The following GBP7 variants were observed in gnomAD, a reference collection of about 807,000 sequenced individuals.
The protein encoded by GBP7 is guanylate binding protein 7.
Under a neutral mutation model 61.3 loss-of-function variants are expected in GBP7, and 43 were observed. That is an observed-to-expected ratio of 0.70 (90% CI 0.55 to 0.91). The LOEUF is 0.91. Among genes scored for constraint, GBP7 ranks in the 40% least tolerant of loss-of-function variants. The probability of loss-of-function intolerance (pLI) is 0.00; values close to 1 mark genes in which losing one functional copy is unlikely to be tolerated. For synonymous variants in GBP7, 267 were observed against 271.0 expected (o/e 0.99, Z 0.14); for missense variants, 717 against 740.5 (o/e 0.97, Z 0.37).
In GBP7 at chr1:89,164,836, C is replaced by T. The variant is rs1647377552; in HGVS notation, c.213G>A (p.Val71=). ...TCCAGATGCCTTTGGTTTCAGACTT[C>T]ACTGTGCAGCCCAGAGGGAAGCCTT... is the stretch of plus-strand genomic sequence containing the variant. ...KNKGFPLGCT[V]KSETKGIWMW... The change falls in exon 3 of 11, where the codon GTG becomes GTA. Residue 71 remains valine, a synonymous_variant. Coordinates refer to ENST00000294671, the MANE Select transcript of GBP7 (RefSeq NM_207398.3). The T allele has an allele frequency of 2.5e-6, 4 of 1,613,730 alleles. No individual in the cohort carries two copies. The highest frequency in any genetic ancestry group is 1.7e-5 in the Admixed American group (1 of 59,988).
intron 8 of GBP7, among the ~76,000 whole-genome samples, chr1:89,143,444 A>G (rs996316257): frequency 6.6e-6 from 1 of 152,246 alleles, no homozygotes; most frequent in Non-Finnish European, 1.5e-5. Flanking sequence ...TGAATTTAAA[A>G]TAGTTTTTTG....
chr1:89,141,975 TC>T lies in GBP7; in HGVS notation c.1366-328del, dbSNP rs374917842. On this transcript the variant is annotated intron_variant, in intron 8 of 10. Coordinates refer to ENST00000294671, the MANE Select transcript of GBP7 (RefSeq NM_207398.3). ...CCTCCATAGTTTGCATTATTTGCTT[TC>T]TTTTTTCTTTTGCCTGAAGGCCTGC... Among the ~76,000 whole-genome samples the T allele has an allele frequency of 2.8e-4, 42 of 152,314 alleles. No individual in the cohort carries two copies. The East Asian group carries it at 8.1e-3, about 29-fold the overall frequency.
chr1:89,172,120 G>A (rs576655099), intron 1 of GBP7, among the ~76,000 whole-genome samples, 166 bp from the exon 2 acceptor site: 2 of 152,268 alleles, frequency 1.3e-5, no homozygotes, highest in South Asian at 2.1e-4. Context: ...GCCACTGTCT[G>A]CCCTTTAAAA....
intron 7 of GBP7, 150 bp from the exon 8 acceptor site, chr1:89,147,929 G>T (rs560365855): frequency 7.1e-5 from 53 of 743,010 alleles, no homozygotes; most frequent in Non-Finnish European, 1.1e-4. Context: ...TTTAGTTCCA[G>T]TTCTGGTCAA....
chr1:89,170,908 ACT>A (rs1210231033), intron 2 of GBP7, among the ~76,000 whole-genome samples: 1 of 152,060 alleles, frequency 6.6e-6, no homozygotes, highest in East Asian at 1.9e-4. Flanking sequence ...TATGCATAAA[ACT>A]CTCTCAAGCA....
At chr1:89,158,387 G>A (rs1029965264) in intron 3 of GBP7, among the ~76,000 whole-genome samples, 1 of 152,142 alleles carries the variant, frequency 6.6e-6, no homozygotes, top group Admixed American at 6.5e-5. Flanking sequence ...AGGAAATAAA[G>A]GGTATTCAGT....
At chr1:89,132,471 AATTTC>A (rs1681703868) in intron 10 of GBP7, 68 bp from the exon 11 acceptor site, 5 of 1,154,226 alleles carry the variant, frequency 4.3e-6, no homozygotes, top group Non-Finnish European at 6.1e-6. Context: ...TGTATTTAAC[AATTTC>A]ATTAGTTAAA....
chr1:89,150,378 G>A lies in GBP7; in HGVS notation c.823C>T (p.His275Tyr), dbSNP rs553403518. 57 of 1,613,764 alleles carry A rather than the reference G, an allele frequency of 3.5e-5. No individual in the cohort carries two copies. The South Asian group carries it at 6.1e-4, about 17-fold the overall frequency. ...SENFCSYIFT[H>Y]AKTKTLREGI... The stretch of plus-strand genomic sequence containing the variant: ...TCTCTCAGGGTCTTGGTCTTTGCAT[G>A]GGTGAAGATATAAGAACAGAAATTT... The change falls in exon 6 of 11, where the codon CAT (histidine) becomes TAT (tyrosine). Residue 275 changes from histidine (H) to tyrosine (Y), a missense_variant. By Grantham distance (83) the His-to-Tyr change is moderately conservative. This residue lies in a region of GBP7 where 387 missense variants were observed against 385.2 expected (regional missense o/e 1.00). Coordinates refer to ENST00000294671, the MANE Select transcript of GBP7 (RefSeq NM_207398.3).
intron 2 of GBP7, among the ~76,000 whole-genome samples, chr1:89,168,974 T>TAAAAAAAAAAAAAAAAAAAAAAAA (rs374172595): frequency 1.5e-5 from 1 of 68,396 alleles, no homozygotes; most frequent in African/African-American, 7.3e-5. Flanking sequence ...CGCCTCAAGT[T>TAAAAAAAAAAAAAAAAAAAAAAAA]AAAAAAAAAA....
chr1:89,149,695 T>A, intron 6 of GBP7, 123 bp from the exon 7 acceptor site: 1 of 759,224 alleles, frequency 1.3e-6, no homozygotes, highest in South Asian at 2.1e-5. Context: ...TCCCTCCTTC[T>A]CCTTCTTTCA....
At chr1:89,133,216 G>C in intron 10 of GBP7, 42 bp downstream of exon 10, 1 of 1,501,954 alleles carries the variant, frequency 6.7e-7, no homozygotes, top group Non-Finnish European at 9.2e-7. Context: ...ATGAGGAACT[G>C]GCATTGTGCC....
chr1:89,154,432 C>T (rs1221253460), intron 3 of GBP7, among the ~76,000 whole-genome samples: 1 of 152,138 alleles, frequency 6.6e-6, no homozygotes, highest in Non-Finnish European at 1.5e-5. Context: ...CTACAACCTC[C>T]ACCTTCTGGG....
At position 89,142,399 on chromosome 1, in the gene GBP7, A is replaced by G. The variant is rs139046427; in HGVS notation, c.1366-751T>C. 4.9e-3 allele frequency among the ~76,000 whole-genome samples: 739 copies of G among 152,304 alleles called. 4 individuals carry two copies. Among genetic ancestry groups the G allele is most frequent in the African/African-American group, 0.016 (684 of 41,554 alleles). The stretch of plus-strand genomic sequence containing the variant: ...ATAGCCAGGACTACAGATGTGTGCC[A>G]CCGCAGCTGGCTAATTTTATTTTTT... On this transcript the variant is annotated intron_variant, in intron 8 of 10. Transcript: ENST00000294671.
chr1:89,172,595 A>G (rs1211570605), intron 1 of GBP7, among the ~76,000 whole-genome samples: 3 of 152,098 alleles, frequency 2.0e-5, no homozygotes, highest in African/African-American at 4.8e-5. Flanking sequence ...GGGATTCATG[A>G]TGTTGACATT....
chr1:89,137,703 G>A (rs1159694975), intron 9 of GBP7, among the ~76,000 whole-genome samples: 1 of 152,072 alleles, frequency 6.6e-6, no homozygotes, highest in Non-Finnish European at 1.5e-5. Flanking sequence ...CATACTGAAT[G>A]TGAAAAAGCT....
intron 9 of GBP7, among the ~76,000 whole-genome samples, chr1:89,133,798 C>A (rs912177456): frequency 2.0e-5 from 3 of 152,128 alleles, no homozygotes; most frequent in Non-Finnish European, 4.4e-5. Context: ...TTAGGAGACC[C>A]CACAACTCCC....
intron 2 of GBP7, among the ~76,000 whole-genome samples, chr1:89,167,047 T>C (rs1213884104): frequency 1.3e-5 from 2 of 152,264 alleles, no homozygotes; most frequent in Admixed American, 1.3e-4. Context: ...GGTATGCATA[T>C]GGTCCCCTGC....
chr1:89,149,857 A>C (rs1035706877), intron 6 of GBP7, among the ~76,000 whole-genome samples: 3 of 131,316 alleles, frequency 2.3e-5, no homozygotes, highest in African/African-American at 5.5e-5. Context: ...GGGTTTCTTG[A>C]AAAAAAAAAA....
chr1:89,161,263 A>C (rs1214909112), intron 3 of GBP7, among the ~76,000 whole-genome samples: 2 of 152,192 alleles, frequency 1.3e-5, no homozygotes, highest in African/African-American at 4.8e-5. Context: ...TAATAGAACA[A>C]TTTATAGTCC....
Sources: gnomAD v4.1 joint callset for allele counts (sites outside exome capture counted in the v4.1 genomes callset) on GRCh38, gnomAD v4.1.1 for gene constraint, gnomAD v4.1.1 regional missense constraint, MANE v1.5 for transcripts, NCBI Gene and HGNC (gene_info 2026-07-23, HGNC 2026-07-21) for gene names.